The following NFIC variants were observed in gnomAD, a reference collection of about 807,000 sequenced individuals.
The protein encoded by NFIC is nuclear factor 1 C-type.
Under a neutral mutation model 54.4 loss-of-function variants are expected in NFIC, and 12 were observed. That is an observed-to-expected ratio of 0.22 (90% CI 0.14 to 0.36). The LOEUF is 0.36. NFIC is among the 10% of genes least tolerant of loss of function. The pLI is 1.00. For missense variants in NFIC, 575 were observed against 718.2 expected, an observed-to-expected ratio of 0.80 and a Z score of 2.28; for synonymous variants, 322 against 319.2, an observed-to-expected ratio of 1.01 and a Z score of -0.09.
chr19:3,377,475 C>T (rs2081128892), intron 1 of NFIC, among the ~76,000 whole-genome samples: 1 of 152,028 alleles, frequency 6.6e-6, no homozygotes, highest in Non-Finnish European at 1.5e-5. Flanking sequence ...TCACCCCTGT[C>T]CGAAATGCCC....
intron 2 of NFIC, among the ~76,000 whole-genome samples, chr19:3,387,847 C>T (rs957084688): frequency 6.6e-6 from 1 of 151,850 alleles, no homozygotes; most frequent in African/African-American, 2.4e-5. Flanking sequence ...TCCGACCTGC[C>T]ACGTGCTGGG....
chr19:3,421,823 G>C (rs1599658254), intron 2 of NFIC, among the ~76,000 whole-genome samples: 1 of 152,158 alleles, frequency 6.6e-6, no homozygotes, highest in African/African-American at 2.4e-5. Context: ...TGTCACTCAG[G>C]CTGGAGTGCA....
intron 2 of NFIC, among the ~76,000 whole-genome samples, chr19:3,422,439 C>T (rs938507800): frequency 4.0e-5 from 6 of 148,264 alleles, no homozygotes; most frequent in African/African-American, 7.4e-5. Context: ...AAAGTGAGGC[C>T]GGGCGCGGTG....
At chr19:3,388,974 C>T (rs11883210) in intron 2 of NFIC, among the ~76,000 whole-genome samples, 14,284 of 152,210 alleles carry the variant, frequency 0.094, 724 homozygotes, top group Middle Eastern at 0.18. Context: ...CACTGCACTC[C>T]AGCCTGGGCG....
chr19:3,431,968 G>A (rs945107370), intron 3 of NFIC, among the ~76,000 whole-genome samples: 1 of 152,186 alleles, frequency 6.6e-6, no homozygotes, highest in Non-Finnish European at 1.5e-5. Flanking sequence ...CTTGGCTGCT[G>A]TCTGTCGCTC....
intron 7 of NFIC, among the ~76,000 whole-genome samples, chr19:3,450,206 G>C (rs1599715288): frequency 6.6e-6 from 1 of 151,868 alleles, no homozygotes; most frequent in East Asian, 1.9e-4. Context: ...TTATCCGGGC[G>C]TGGTGGCAGG....
intron 6 of NFIC, among the ~76,000 whole-genome samples, chr19:3,445,999 A>G (rs1197473685): frequency 6.6e-6 from 1 of 152,140 alleles, no homozygotes. Flanking sequence ...GGTGCTGCTC[A>G]GCGCCCTGCA....
At chr19:3,371,975 T>TTCTCTCTCTC (rs1396304411) in intron 1 of NFIC, among the ~76,000 whole-genome samples, 1 of 31,972 alleles carries the variant, frequency 3.1e-5, no homozygotes, top group Non-Finnish European at 6.8e-5. Context: ...TTCCTTCTCT[T>TTCTCTCTCTC]TCTCTCTCTC....
At chr19:3,406,099 G>T (rs908419445) in intron 2 of NFIC, among the ~76,000 whole-genome samples, 1 of 150,924 alleles carries the variant, frequency 6.6e-6, no homozygotes, top group Admixed American at 6.6e-5. Flanking sequence ...TTTGGGTTTT[G>T]TTTGTTTGTT....
upstream of NFIC, among the ~76,000 whole-genome samples, chr19:3,363,258 TATATATA>T (rs1568391838): frequency 8.5e-4 from 66 of 77,528 alleles, no homozygotes; most frequent in Admixed American, 1.5e-3. Flanking sequence ...TATATATATA[TATATATA>T]TATATTTTTT....
chr19:3,425,200 G>A lies in NFIC; in HGVS notation c.634+23G>A, dbSNP rs371013099. The stretch of plus-strand genomic sequence containing the variant: ...TGGGTGAGTCTGGGGGCAGCGTGGC[G>A]GTGAAGGGCGGAGGGCGCAGCCCTG... On this transcript the variant is annotated intron_variant, in intron 3 of 10. Coordinates refer to ENST00000443272, the MANE Select transcript of NFIC (RefSeq NM_001245002.2). 4.4e-5 allele frequency: 70 copies of A among 1,602,382 alleles called. 1 individual carries two copies. The highest frequency in any genetic ancestry group is 5.4e-5 in the Non-Finnish European group (64 of 1,176,372).
intron 2 of NFIC, among the ~76,000 whole-genome samples, chr19:3,384,534 G>A (rs182709866): frequency 5.5e-4 from 83 of 152,256 alleles, no homozygotes; most frequent in African/African-American, 1.9e-3. Context: ...GCTTACAGGT[G>A]ACTGCCACCA....
At chr19:3,429,161 A>ACACC (rs2082076780) in intron 3 of NFIC, among the ~76,000 whole-genome samples, 1 of 135,056 alleles carries the variant, frequency 7.4e-6, no homozygotes, top group Non-Finnish European at 1.6e-5. Context: ...ACACACACAC[A>ACACC]CACACACACA....
chr19:3,405,024 G>A (rs982959380), intron 2 of NFIC, among the ~76,000 whole-genome samples: 2 of 152,214 alleles, frequency 1.3e-5, no homozygotes, highest in Non-Finnish European at 2.9e-5. Context: ...ACACCGAGGC[G>A]TCCACCAGCG....
intron 1 of NFIC, among the ~76,000 whole-genome samples, chr19:3,380,150 G>A (rs917959690): frequency 1.4e-5 from 2 of 144,714 alleles, no homozygotes; most frequent in Admixed American, 1.4e-4. Flanking sequence ...ACAGGCGCCC[G>A]ACACCACGCC....
intron 10 of NFIC, among the ~76,000 whole-genome samples, chr19:3,461,305 C>T (rs57769551): frequency 0.021 from 3,231 of 151,654 alleles, 125 homozygotes; most frequent in African/African-American, 0.074. Context: ...TACCTGTGGT[C>T]CCAGCTACTC....
Position 3,453,531 on chromosome 19 carries a change from C to T in NFIC, c.1270-232C>T, listed in dbSNP as rs1385231075. ...GGGTTTACAGAGGAGATGCAGTGAGCGTGGCCCCAGTAGTGCCGGGCTTTG... is the reference window on the plus strand; with the variant it reads ...GGGTTTACAGAGGAGATGCAGTGAGTGTGGCCCCAGTAGTGCCGGGCTTTG... On this transcript the variant is annotated intron_variant, in intron 8 of 10. Coordinates refer to ENST00000443272, the MANE Select transcript of NFIC (RefSeq NM_001245002.2). The surrounding 1 kb of genome is among the most constrained non-coding windows in gnomAD (Gnocchi z 6.7). 6.6e-6 allele frequency among the ~76,000 whole-genome samples: 1 copy of T among 152,122 alleles called. No homozygotes were observed. The highest frequency in any genetic ancestry group is 2.4e-5 in the African/African-American group (1 of 41,420).
rs751103560 is a variant in NFIC at position 3,366,600 on chromosome 19, C to G, written c.-37C>G. 3 of 1,414,176 alleles carry G rather than the reference C, an allele frequency of 2.1e-6. No homozygotes were observed. Among genetic ancestry groups the G allele is most frequent in the African/African-American group, 1.5e-5 (1 of 66,202 alleles). 87.6% of individuals were successfully genotyped at this position (1,414,176 alleles called of 1,614,324 possible). A position where few individuals can be genotyped will look rare whatever the true frequency, so the allele number is the denominator to read the frequency against. On this transcript the variant is annotated 5_prime_UTR_variant, in exon 1 of 11. Coordinates refer to ENST00000443272, the MANE Select transcript of NFIC (RefSeq NM_001245002.2). ...AATGACTCAGTAAGTTCAGCGCGCCCGCTCCGGCCGGCCCTGCGCCTCCCG... is the reference window on the plus strand; with the variant it reads ...AATGACTCAGTAAGTTCAGCGCGCCGGCTCCGGCCGGCCCTGCGCCTCCCG...
In NFIC at chr19:3,449,116, G is replaced by C; in HGVS notation, c.1061G>C (p.Arg354Pro). The C allele has an allele frequency of 6.2e-7, 1 of 1,613,510 alleles. No homozygotes were observed. Among genetic ancestry groups the C allele is most frequent in the African/African-American group, 1.3e-5 (1 of 75,030 alleles). ...PRLSSFTQHH[R>P]PVIAVHSGIA... ...CTCTCCAGCTTCACCCAGCACCACC[G>C]GCCCGTCATCGCCGTGCACAGCGGT... Residue 354 changes from arginine (R) to proline (P), a missense_variant, in exon 7 of 11, where the codon CGG becomes CCG. This residue lies in a region of NFIC where 447 missense variants were observed against 526.9 expected (regional missense o/e 0.85). Transcript: ENST00000443272.
Sources: allele counts gnomAD v4.1 joint callset (sites outside exome capture counted in the v4.1 genomes callset), GRCh38; gene constraint gnomAD v4.1.1; regional missense constraint gnomAD v4.1.1; non-coding constraint Gnocchi (gnomAD v3.1); transcripts MANE v1.5; gene names NCBI Gene and HGNC (gene_info 2026-07-23, HGNC 2026-07-21).